The following SLC6A4 variants were observed in gnomAD, a reference collection of about 807,000 sequenced individuals.
The protein encoded by SLC6A4 is solute carrier family 6 member 4.
SLC6A4 carries 22 observed loss-of-function variants against 73.4 expected under a neutral mutation model. That is an observed-to-expected ratio of 0.30 (90% CI 0.21 to 0.43). The LOEUF (loss-of-function observed/expected upper bound fraction) is 0.43, where lower values mean the gene tolerates loss of function less well. Among genes scored for constraint, SLC6A4 ranks in the 20% least tolerant of loss-of-function variants. The pLI is 1.00. For missense variants in SLC6A4, 593 were observed against 808.5 expected, an observed-to-expected ratio of 0.73 and a Z score of 3.23; for synonymous variants, 270 against 315.5, an observed-to-expected ratio of 0.86 and a Z score of 1.53.
Position 30,217,164 on chromosome 17 carries a change from A to G in SLC6A4, c.837+2T>C, listed in dbSNP as rs1315158539. The G allele has an allele frequency of 1.2e-6, 2 of 1,613,176 alleles. No individual in the cohort carries two copies. The highest frequency in any genetic ancestry group is 3.3e-5 in the Admixed American group (2 of 59,890). ...TGGGTCAGCAGCCAGAGCCTTCCTCACCTTGCCAGAGGTCTTGACGCCTTT... is the reference window on the plus strand; with the variant it reads ...TGGGTCAGCAGCCAGAGCCTTCCTCGCCTTGCCAGAGGTCTTGACGCCTTT... On this transcript the variant is annotated splice_donor_variant, in intron 6 of 14. Coordinates refer to ENST00000650711, the MANE Select transcript of SLC6A4 (RefSeq NM_001045.6). LOFTEE classifies it high-confidence loss of function.
chr17:30,217,272 C>T lies in SLC6A4; in HGVS notation c.731G>A (p.Gly244Glu). Residue 244 changes from glycine to glutamate, a missense_variant, in exon 6 of 15, where the codon GGG becomes GAG. Transcript: ENST00000650711. ...GCTGATGCCCCCCAGGTCCTGGAGC[C>T]CCTTAGACCGGTGGATCTGCAGGAC... ...RHVLQIHRSK[G>E]LQDLGGISWQ... 8 of 1,614,156 alleles carry T rather than the reference C, an allele frequency of 5.0e-6. No individual in the cohort carries two copies. The highest frequency in any genetic ancestry group is 1.3e-5 in the African/African-American group (1 of 75,040).
At position 30,231,466 on chromosome 17, in the gene SLC6A4, T is replaced by C. The variant is rs116346614; in HGVS notation, c.-221+4147A>G. 8.9e-3 allele frequency among the ~76,000 whole-genome samples: 1,348 copies of C among 151,564 alleles called. 25 individuals are homozygous for C. Among genetic ancestry groups the C allele is most frequent in the African/African-American group, 0.031 (1,271 of 41,368 alleles). On this transcript the variant is annotated intron_variant, in intron 1 of 14. Coordinates refer to ENST00000650711, the MANE Select transcript of SLC6A4 (RefSeq NM_001045.6). ...ATATCTGTATGTATCTGTATGTACA[T>C]ATGTGTATATATAGTGTGTATATAT...
rs200486204 is a variant in SLC6A4 at position 30,218,142 on chromosome 17, G to A, written c.674C>T (p.Thr225Met). The change falls in exon 5 of 15, where the codon ACG becomes ATG. Residue 225 changes from threonine (T) to methionine (M), a missense_variant. Physicochemically the swap from Thr to Met is moderately conservative, Grantham distance 81. Coordinates refer to ENST00000650711, the MANE Select transcript of SLC6A4 (RefSeq NM_001045.6). Reference protein sequence around the residue: ...EDNITWTLHSTSPAEEFYTRH... With the variant: ...EDNITWTLHSMSPAEEFYTRH... ...CGTGTAAAATTCTTCAGCAGGGGAC[G>A]TGGAATGGAGGGTCCAGGTGATGTT... 11 of 1,614,040 alleles carry A rather than the reference G, an allele frequency of 6.8e-6. No homozygotes were observed. The East Asian group carries it at 1.3e-4, about 20-fold the overall frequency.
intron 1 of SLC6A4, 71 bp from the exon 2 acceptor site, chr17:30,222,986 G>A (rs748971044): frequency 2.1e-5 from 10 of 483,312 alleles, no homozygotes; most frequent in African/African-American, 4.0e-5. Context: ...GCCTCCACTG[G>A]GAGGGCCTGG....
chr17:30,201,485 GA>G (rs1906035362), intron 14 of SLC6A4, among the ~76,000 whole-genome samples: 1 of 152,168 alleles, frequency 6.6e-6, no homozygotes, highest in African/African-American at 2.4e-5. Flanking sequence ...AGATGGCCAG[GA>G]TCTGAGGTGT....
At chr17:30,231,471 GTATA>G (rs946575832) in intron 1 of SLC6A4, among the ~76,000 whole-genome samples, 2 of 151,028 alleles carry the variant, frequency 1.3e-5, no homozygotes, top group African/African-American at 2.4e-5. Flanking sequence ...GTACATATGT[GTATA>G]TATAGTGTGT....
At chr17:30,210,468 G>A (rs201397986) in intron 11 of SLC6A4, 47 bp downstream of exon 11, 101 of 1,584,208 alleles carry the variant, frequency 6.4e-5, no homozygotes, top group Non-Finnish European at 8.6e-5. Context: ...GTAGCGTTCT[G>A]CTGCCCTAGG....
chr17:30,229,782 A>G (rs987576103), intron 1 of SLC6A4, among the ~76,000 whole-genome samples: 1 of 151,812 alleles, frequency 6.6e-6, no homozygotes, highest in Non-Finnish European at 1.5e-5. Context: ...GCACTTTGGG[A>G]GGCCAAGGTG....
In SLC6A4 at chr17:30,222,814, C is replaced by T. The variant is rs941862081; in HGVS notation, c.-124+5G>A. 3.1e-6 allele frequency: 4 copies of T among 1,304,662 alleles called. No homozygotes were observed. Among genetic ancestry groups the T allele is most frequent in the Middle Eastern group, 2.1e-4 (1 of 4,698 alleles). The allele number at this position is 1,304,662 out of a possible 1,614,324, so 80.8% of individuals were successfully genotyped here. On this transcript the variant is annotated splice_donor_5th_base_variant and intron_variant, in intron 2 of 14. Transcript: ENST00000650711. The stretch of plus-strand genomic sequence containing the variant: ...GACTGGTCCTTAAACGGCACTGCTG[C>T]TCACCATTTGTTCTTCTTTCCACTT...
rs35467658 is a variant in SLC6A4 at position 30,209,419 on chromosome 17, C to A, written c.1450-177G>T. ...AGGTGCGGTGGCTCATGCCTGTCAT[C>A]CCAGCACTTTGGGAGGCTGAGGCGG... On this transcript the variant is annotated intron_variant, in intron 11 of 14. Coordinates refer to ENST00000650711, the MANE Select transcript of SLC6A4 (RefSeq NM_001045.6). 5.3e-3 allele frequency among the ~76,000 whole-genome samples: 814 copies of A among 152,296 alleles called. 10 individuals carry two copies. The highest frequency in any genetic ancestry group is 8.5e-3 in the Non-Finnish European group (576 of 68,012).
At position 30,211,421 on chromosome 17, in the gene SLC6A4, G is replaced by A. The variant is rs954957737; in HGVS notation, c.1208C>T (p.Pro403Leu). 1.9e-6 allele frequency: 3 copies of A among 1,607,864 alleles called. No individual in the cohort carries two copies. The highest frequency in any genetic ancestry group is 2.6e-6 in the Non-Finnish European group (3 of 1,174,370). The stretch of plus-strand genomic sequence containing the variant: ...TGCATACGTGATGAAGAGGAGGCTG[G>A]GACCTGAGACAGAGGGGAGAGAGGA... ...DVSEVAKDAGPSLLFITYAEA... is the reference protein window; with the variant it reads ...DVSEVAKDAGLSLLFITYAEA... Residue 403 changes from proline to leucine, a missense_variant, in exon 10 of 15, where the codon CCC becomes CTC. By Grantham distance (98) the Pro-to-Leu change is moderately conservative. Coordinates refer to ENST00000650711, the MANE Select transcript of SLC6A4 (RefSeq NM_001045.6). The surrounding 1 kb of genome is among the most constrained non-coding windows in gnomAD (Gnocchi z 4.0).
intron 5 of SLC6A4, among the ~76,000 whole-genome samples, 185 bp downstream of exon 5, chr17:30,217,933 G>A (rs1906631273): frequency 6.6e-6 from 1 of 152,200 alleles, no homozygotes; most frequent in African/African-American, 2.4e-5. Context: ...AGGCACAGCA[G>A]GGCCAGGCCG....
Position 30,216,183 on chromosome 17 carries a change from T to A in SLC6A4, c.871A>T (p.Ile291Phe). Residue 291 changes from isoleucine (I) to phenylalanine (F), a missense_variant, in exon 7 of 15, where the codon ATC becomes TTC. Ile to Phe is a conservative substitution (Grantham distance 21). Transcript: ENST00000650711. ...CCCCTCACCAGCAGGACAGAAAGGATGATATAAGGGAAGGTGGCTGTCACC... is the reference window on the plus strand; with the variant it reads ...CCCCTCACCAGCAGGACAGAAAGGAAGATATAAGGGAAGGTGGCTGTCACC... ...VWVTATFPYI[I>F]LSVLLVRGAT... The A allele has an allele frequency of 6.2e-7, 1 of 1,605,838 alleles. No homozygotes were observed. The highest frequency in any genetic ancestry group is 2.3e-5 in the East Asian group (1 of 44,400).
At chr17:30,217,085 C>T (rs1013052986) in intron 6 of SLC6A4, 81 bp downstream of exon 6, 40 of 1,209,710 alleles carry the variant, frequency 3.3e-5, no homozygotes, top group African/African-American at 6.1e-5. Flanking sequence ...ACAGTGCTGT[C>T]TGTCCAGGCT....
In SLC6A4 at chr17:30,195,781, G is replaced by A. The variant is rs1470131927; in HGVS notation, c.*2675C>T. 1 of 151,294 alleles carries A rather than the reference G, an allele frequency of 6.6e-6. No homozygotes were observed. Among genetic ancestry groups the A allele is most frequent in the Non-Finnish European group, 1.5e-5 (1 of 67,914 alleles). 9.4% of individuals were successfully genotyped at this position (151,294 alleles called of 1,614,324 possible). On this transcript the variant is annotated 3_prime_UTR_variant, in exon 15 of 15. Transcript: ENST00000650711. Reference sequence around the variant, plus strand: ...GGAAAATAGAAAAAGAAGACTTAAAGCTTCAGAATAGTCTTTCCATGGAAC... The same window carrying A: ...GGAAAATAGAAAAAGAAGACTTAAAACTTCAGAATAGTCTTTCCATGGAAC...
chr17:30,218,335 T>C lies in SLC6A4; in HGVS notation c.481A>G (p.Ile161Val), dbSNP rs1906644426. Reference sequence around the variant, plus strand: ...GCAATGATGCAGATGGCATAACCAATCCCTGGGCAGTGGGTGAGATGGAGA... The same window carrying C: ...GCAATGATGCAGATGGCATAACCAACCCCTGGGCAGTGGGTGAGATGGAGA... ...WRKICPIFKG[I>V]GYAICIIAFY... is the part of the protein sequence containing the mutation. The change falls in exon 5 of 15, where the codon ATT (isoleucine) becomes GTT (valine). Residue 161 changes from isoleucine (I) to valine (V), a missense_variant and splice_region_variant. Ile to Val is a conservative substitution (Grantham distance 29). Coordinates refer to ENST00000650711, the MANE Select transcript of SLC6A4 (RefSeq NM_001045.6). 1 of 1,612,626 alleles carries C rather than the reference T, an allele frequency of 6.2e-7. No individual in the cohort carries two copies. The highest frequency in any genetic ancestry group is 1.7e-5 in the Admixed American group (1 of 59,868).
intron 13 of SLC6A4, chr17:30,204,322 A>G (rs1906124535): frequency 6.6e-6 from 1 of 152,150 alleles, no homozygotes; most frequent in African/African-American, 2.4e-5. Flanking sequence ...TCTGCAGGTA[A>G]TAAAATGGGA....
intron 1 of SLC6A4, among the ~76,000 whole-genome samples, chr17:30,232,453 C>T (rs1300733641): frequency 6.6e-6 from 1 of 152,252 alleles, no homozygotes; most frequent in Non-Finnish European, 1.5e-5. Flanking sequence ...GGGACATTGC[C>T]TCTCTGTCTC....
At chr17:30,206,913 C>T (rs965489278) in intron 13 of SLC6A4, among the ~76,000 whole-genome samples, 12 of 151,714 alleles carry the variant, frequency 7.9e-5, no homozygotes, top group African/African-American at 2.9e-4. Context: ...ACCATGTTGG[C>T]CAGGCTGGTC....
Sources: gnomAD v4.1 joint callset for allele counts (sites outside exome capture counted in the v4.1 genomes callset) on GRCh38, gnomAD v4.1.1 for gene constraint, Gnocchi (gnomAD v3.1) non-coding constraint, MANE v1.5 for transcripts, NCBI Gene and HGNC (gene_info 2026-07-23, HGNC 2026-07-21) for gene names.